XIRP2: variants seen among roughly 807,000 people sequenced by gnomAD.
XIRP2 encodes the protein xin actin binding repeat containing 2.
In XIRP2, 236 loss-of-function variants were observed where a neutral mutation model predicts 277.0. The observed-to-expected ratio is 0.85, with a 90% CI of 0.77 to 0.95. The LOEUF is 0.95. Ranked by LOEUF, XIRP2 falls within the 40% of genes least tolerant of loss-of-function variation. The pLI is 0.00. For synonymous variants in XIRP2, 1,490 were observed against 1,416.5 expected (o/e 1.05, Z -1.17); for missense variants, 4,640 against 4,157.5 (o/e 1.12, Z -3.19).
At chr2:167,025,105 G>A (rs1289054311) in intron 2 of XIRP2, among the ~76,000 whole-genome samples, 2 of 152,044 alleles carry the variant, frequency 1.3e-5, no homozygotes, top group African/African-American at 2.4e-5. Flanking sequence ...CGGTTGGTAA[G>A]CTATTGATTA....
At chr2:167,150,007 A>T (rs1691966687) in intron 3 of XIRP2, among the ~76,000 whole-genome samples, 1 of 152,044 alleles carries the variant, frequency 6.6e-6, no homozygotes, top group South Asian at 2.1e-4. Flanking sequence ...GGGGTACTAT[A>T]TTCACTATTT....
chr2:167,029,956 C>T (rs893402254), intron 2 of XIRP2, among the ~76,000 whole-genome samples: 1 of 151,922 alleles, frequency 6.6e-6, no homozygotes, highest in Non-Finnish European at 1.5e-5. Context: ...TGTATGTGTC[C>T]AGGAATTTAT....
intron 2 of XIRP2, among the ~76,000 whole-genome samples, chr2:166,937,670 G>T (rs933385333): frequency 6.6e-6 from 1 of 152,144 alleles, no homozygotes; most frequent in Non-Finnish European, 1.5e-5. Context: ...AGAAGGAATC[G>T]TACCAGCTCC....
chr2:167,210,806 G>T lies in XIRP2; in HGVS notation c.634G>T (p.Asp212Tyr). Residue 212 changes from aspartate (D) to tyrosine (Y), a missense_variant, in exon 4 of 11, where the codon GAC (aspartate) becomes TAC (tyrosine). Physicochemically the swap from Asp to Tyr is radical, Grantham distance 160 (BLOSUM62 -3). Transcript: ENST00000409195. ...TGCTGCTCGGGGCGAGGGTGTGTCAGACCTCCACGAAGTGGTCTCCCTGAA... is the reference window on the plus strand; with the variant it reads ...TGCTGCTCGGGGCGAGGGTGTGTCATACCTCCACGAAGTGGTCTCCCTGAA... ...DSAARGEGVS[D>Y]LHEVVSLKER... is the part of the protein sequence containing the mutation. 1 of 1,614,210 alleles carries T rather than the reference G, an allele frequency of 6.2e-7. No homozygotes were observed. The highest frequency in any genetic ancestry group is 8.5e-7 in the Non-Finnish European group (1 of 1,180,036).
intron 2 of XIRP2, among the ~76,000 whole-genome samples, chr2:167,126,803 A>G (rs1217678717): frequency 2.0e-5 from 3 of 152,154 alleles, no homozygotes; most frequent in Non-Finnish European, 4.4e-5. Context: ...GCCTTTGATC[A>G]CATGTCCTGC....
chr2:167,154,281 T>G (rs1236037303), intron 3 of XIRP2, among the ~76,000 whole-genome samples: 3 of 150,716 alleles, frequency 2.0e-5, no homozygotes, highest in African/African-American at 2.5e-5. Context: ...TAAATTTGTT[T>G]GAGTTCATTG....
chr2:167,043,800 A>G (rs929679526), intron 2 of XIRP2, among the ~76,000 whole-genome samples: 1 of 152,072 alleles, frequency 6.6e-6, no homozygotes, highest in Non-Finnish European at 1.5e-5. Context: ...AAATTATTTC[A>G]AATAATCAAG....
chr2:166,937,435 G>A (rs1574094535), intron 2 of XIRP2, among the ~76,000 whole-genome samples: 2 of 152,148 alleles, frequency 1.3e-5, no homozygotes, highest in South Asian at 4.1e-4. Flanking sequence ...TTGCATCCCA[G>A]GGATGAAGCC....
At chr2:167,107,697 G>C (rs1249611053) in intron 2 of XIRP2, among the ~76,000 whole-genome samples, 3 of 151,402 alleles carry the variant, frequency 2.0e-5, no homozygotes, top group South Asian at 2.1e-4. Flanking sequence ...TTGTTGATTT[G>C]TTTTGGTACT....
At position 167,248,692 on chromosome 2, in the gene XIRP2, A is replaced by C; in HGVS notation, c.7300A>C (p.Lys2434Gln). ...CAAACCCAAACTTCCCAAGCATATAAAAGATAATAAGAACGATTTTTCCCC... is the reference window on the plus strand; with the variant it reads ...CAAACCCAAACTTCCCAAGCATATACAAGATAATAAGAACGATTTTTCCCC... Reference protein sequence around the residue: ...LPKPKLPKHIKDNKNDFSPKV... With the variant: ...LPKPKLPKHIQDNKNDFSPKV... Residue 2434 changes from lysine (K) to glutamine (Q), a missense_variant, in exon 9 of 11, where the codon AAA (lysine) becomes CAA (glutamine). Physicochemically the swap from Lys to Gln is moderately conservative, Grantham distance 53 (BLOSUM62 1). Transcript: ENST00000409195. The C allele has an allele frequency of 1.2e-6, 2 of 1,613,772 alleles. No homozygotes were observed. Among genetic ancestry groups the C allele is most frequent in the Non-Finnish European group, 1.7e-6 (2 of 1,179,816 alleles).
chr2:167,043,705 A>G (rs1688720630), intron 2 of XIRP2, among the ~76,000 whole-genome samples: 1 of 151,950 alleles, frequency 6.6e-6, no homozygotes, highest in Non-Finnish European at 1.5e-5. Context: ...AATGAAAGAA[A>G]CTTACCAAAA....
intron 2 of XIRP2, among the ~76,000 whole-genome samples, chr2:166,965,711 G>A (rs1369647052): frequency 6.6e-6 from 1 of 151,788 alleles, no homozygotes; most frequent in African/African-American, 2.4e-5. Flanking sequence ...AGCTTCCCAA[G>A]TAGCTGGGAA....
chr2:167,196,313 G>A (rs370400781), intron 3 of XIRP2, among the ~76,000 whole-genome samples: 4 of 151,792 alleles, frequency 2.6e-5, no homozygotes, highest in Non-Finnish European at 4.4e-5. Context: ...GGTGTAATAC[G>A]GATGAAGCTG....
Position 167,245,520 on chromosome 2 carries a change from A to C in XIRP2, c.4128A>C (p.Gln1376His), listed in dbSNP as rs1695224200. Reference protein sequence around the residue: ...ETVYVIKSVTQEDIQKGDVSS... With the variant: ...ETVYVIKSVTHEDIQKGDVSS... ...TGTATGTTATTAAATCTGTCACACA[A>C]GAAGACATTCAGAAGGGAGATGTTA... is the stretch of plus-strand genomic sequence containing the variant. Residue 1376 changes from glutamine (Q) to histidine (H), a missense_variant, in exon 9 of 11, where the codon CAA becomes CAC. Transcript: ENST00000409195. 6.2e-7 allele frequency: 1 copy of C among 1,606,062 alleles called. No individual in the cohort carries two copies. Among genetic ancestry groups the C allele is most frequent in the Admixed American group, 1.7e-5 (1 of 59,920 alleles).
At chr2:167,107,697 G>A (rs1249611053) in intron 2 of XIRP2, among the ~76,000 whole-genome samples, 1 of 151,402 alleles carries the variant, frequency 6.6e-6, no homozygotes, top group African/African-American at 2.4e-5. Flanking sequence ...TTGTTGATTT[G>A]TTTTGGTACT....
Position 167,211,250 on chromosome 2 carries a change from C to A in XIRP2, c.723+355C>A, listed in dbSNP as rs796355314. On this transcript the variant is annotated intron_variant, in intron 4 of 10. Coordinates refer to ENST00000409195, the MANE Select transcript of XIRP2 (RefSeq NM_152381.6). ...GTAGCTGGGATTACAGAGCATGCCA[C>A]CATGCTCTGCTAATTTTTGTATTTT... Among the ~76,000 whole-genome samples, 15 of 152,124 alleles carry A rather than the reference C, an allele frequency of 9.9e-5. 1 individual carries two copies. The highest frequency in any genetic ancestry group is 3.4e-4 in the African/African-American group (14 of 41,498).
Position 167,243,218 on chromosome 2 carries a change from TTGC to T in XIRP2, c.1829_1831del (p.Ala610del), listed in dbSNP as rs1695129606. 1 of 1,614,102 alleles carries T rather than the reference TTGC, an allele frequency of 6.2e-7. No individual in the cohort carries two copies. Among genetic ancestry groups the T allele is most frequent in the Admixed American group, 1.7e-5 (1 of 60,020 alleles). Reference sequence around the variant, plus strand: ...AGGGGCATTGCTGATCAAGAAATCATTGCTGGTGGTGATGTGAAATATACCACA... The same window carrying T: ...AGGGGCATTGCTGATCAAGAAATCATTGGTGGTGATGTGAAATATACCACA... On this transcript the variant is annotated inframe_deletion, in exon 9 of 11. Transcript: ENST00000409195.
intron 2 of XIRP2, among the ~76,000 whole-genome samples, chr2:167,030,777 A>G (rs922406679): frequency 6.6e-6 from 1 of 151,786 alleles, no homozygotes; most frequent in Non-Finnish European, 1.5e-5. Context: ...TCTGTCTAAT[A>G]TCGACAGTGG....
intron 2 of XIRP2, among the ~76,000 whole-genome samples, chr2:167,043,987 G>A (rs1250802791): frequency 1.3e-5 from 2 of 151,938 alleles, no homozygotes; most frequent in African/African-American, 4.8e-5. Flanking sequence ...GAAAATGTCA[G>A]GCCAGTATTC....
Sources: allele counts gnomAD v4.1 joint callset (sites outside exome capture counted in the v4.1 genomes callset), GRCh38; gene constraint gnomAD v4.1.1; transcripts MANE v1.5; gene names NCBI Gene and HGNC (gene_info 2026-07-23, HGNC 2026-07-21).